Variants in GPHN observed in about 807,000 individuals in gnomAD.
The protein encoded by GPHN is gephyrin.
GPHN carries 17 observed loss-of-function variants against 95.5 expected under a neutral mutation model. The observed-to-expected ratio is 0.18, with a 90% CI of 0.12 to 0.27. The LOEUF (loss-of-function observed/expected upper bound fraction) is 0.27. Among genes scored for constraint, GPHN ranks in the 10% least tolerant of loss-of-function variants. The pLI is 1.00. For synonymous variants in GPHN, 320 were observed against 322.5 expected (o/e 0.99, Z 0.08); for missense variants, 660 against 978.1 (o/e 0.67, Z 4.34).
At chr14:67,303,621 A>G in the GPHN span, 1 of 1,565,818 alleles carries the variant, frequency 6.4e-7, no homozygotes, top group Admixed American at 1.7e-5. Flanking sequence ...TTAAATGTTC[A>G]TTATTTATGT....
At chr14:66,690,919 G>T (rs1315204947) in intron 2 of GPHN, among the ~76,000 whole-genome samples, 1 of 152,136 alleles carries the variant, frequency 6.6e-6, no homozygotes, top group Non-Finnish European at 1.5e-5. Flanking sequence ...AGTGACATTT[G>T]ACTGTAATGA....
intron 3 of GPHN, among the ~76,000 whole-genome samples, chr14:66,815,407 A>G (rs2060922028): frequency 6.6e-6 from 1 of 152,342 alleles, no homozygotes; most frequent in East Asian, 1.9e-4. Context: ...TGTTAAAGGC[A>G]GCTAGAGTGA....
chr14:66,785,068 A>G (rs2153465890), intron 3 of GPHN, among the ~76,000 whole-genome samples: 1 of 151,202 alleles, frequency 6.6e-6, no homozygotes, highest in Non-Finnish European at 1.5e-5. Flanking sequence ...ACAAATTTTA[A>G]AAAAAAAAGC....
At chr14:67,290,000 C>T in the GPHN span, among the ~76,000 whole-genome samples, 37 of 152,142 alleles carry the variant, frequency 2.4e-4, no homozygotes, top group African/African-American at 8.7e-4. Flanking sequence ...TCTCGATCTC[C>T]TGACCTCATG....
At chr14:66,962,477 C>T (rs560197031) in intron 8 of GPHN, among the ~76,000 whole-genome samples, 1 of 151,848 alleles carries the variant, frequency 6.6e-6, no homozygotes, top group African/African-American at 2.4e-5. Flanking sequence ...TTCATCAATG[C>T]ATTTTTTGAG....
intron 1 of GPHN, among the ~76,000 whole-genome samples, chr14:66,624,348 T>G (rs1312932421): frequency 6.6e-6 from 1 of 152,242 alleles, no homozygotes; most frequent in Non-Finnish European, 1.5e-5. Context: ...GTATAGGATC[T>G]GTATCTGAAT....
chr14:67,574,222 C>A, the GPHN span: 1 of 1,572,270 alleles, frequency 6.4e-7, no homozygotes. The surrounding 1 kb of genome is among the most constrained non-coding windows in gnomAD (Gnocchi z 4.2). Context: ...TGCCCCACCC[C>A]CATATCTCGC....
chr14:67,642,178 G>A, the GPHN span: 1 of 1,612,486 alleles, frequency 6.2e-7, no homozygotes, highest in Non-Finnish European at 8.5e-7. Flanking sequence ...TCCCTCATTT[G>A]CTTCCAGGCT....
the GPHN span, among the ~76,000 whole-genome samples, chr14:67,400,985 G>C: frequency 2.0e-5 from 3 of 149,536 alleles, no homozygotes; most frequent in Non-Finnish European, 4.4e-5. Context: ...GCAAGATTCT[G>C]CCTCTTAAAA....
the GPHN span, chr14:67,690,269 A>G: frequency 6.2e-7 from 1 of 1,614,134 alleles, no homozygotes; most frequent in Non-Finnish European, 8.5e-7. Flanking sequence ...TTGCTGTGAC[A>G]GTAGGCCAGG....
rs547407612 is a variant in GPHN, at chr14:66,937,669, A to G, written c.828+13377A>G. Among the ~76,000 whole-genome samples, 8 of 152,244 alleles carry G rather than the reference A, an allele frequency of 5.3e-5. No homozygotes were observed. The South Asian group carries it at 1.7e-3, about 32-fold the overall frequency. Reference sequence around the variant, plus strand: ...CTGGATTACAGGCATGAGCCACCGCACCTGGCCGCAAGATTATTAATTAAC... The same window carrying G: ...CTGGATTACAGGCATGAGCCACCGCGCCTGGCCGCAAGATTATTAATTAAC... On this transcript the variant is annotated intron_variant, in intron 8 of 22. Coordinates refer to ENST00000478722, the MANE Select transcript of GPHN (RefSeq NM_020806.5).
intron 1 of GPHN, among the ~76,000 whole-genome samples, chr14:66,544,683 AG>A (rs2059469938): frequency 6.6e-6 from 1 of 152,010 alleles, no homozygotes; most frequent in Non-Finnish European, 1.5e-5. Context: ...GAAGGTCAGC[AG>A]ATAAACAAGT....
intron 3 of GPHN, among the ~76,000 whole-genome samples, chr14:66,820,732 G>A (rs745536234): frequency 2.0e-5 from 3 of 152,112 alleles, no homozygotes; most frequent in Non-Finnish European, 4.4e-5. Flanking sequence ...AGAACTGTGT[G>A]TCTCAAAGAT....
intron 2 of GPHN, among the ~76,000 whole-genome samples, chr14:66,698,820 T>G (rs1327599419): frequency 3.3e-5 from 5 of 152,192 alleles, no homozygotes; most frequent in African/African-American, 1.2e-4. Context: ...CCTGCATGTA[T>G]ACAAAACATT....
At chr14:67,314,710 G>T in the GPHN span, among the ~76,000 whole-genome samples, 1 of 152,210 alleles carries the variant, frequency 6.6e-6, no homozygotes, top group African/African-American at 2.4e-5. Context: ...TTCCAATGAT[G>T]ACATTTCTAA....
chr14:67,439,973 G>A, the GPHN span, among the ~76,000 whole-genome samples: 1 of 152,018 alleles, frequency 6.6e-6, no homozygotes, highest in African/African-American at 2.4e-5. Context: ...TGAGTAGCTG[G>A]GACCACAGGT....
At chr14:66,712,298 T>C (rs2153422800) in intron 2 of GPHN, among the ~76,000 whole-genome samples, 1 of 152,326 alleles carries the variant, frequency 6.6e-6, no homozygotes, top group South Asian at 2.1e-4. Context: ...TGGCATGAGA[T>C]GGTATCTCCT....
At chr14:67,087,761 G>A (rs1307993454) in intron 11 of GPHN, among the ~76,000 whole-genome samples, 1 of 152,066 alleles carries the variant, frequency 6.6e-6, no homozygotes, top group Non-Finnish European at 1.5e-5. Flanking sequence ...AAAAAACACA[G>A]ACTCACTTAT....
chr14:67,622,568 C>G, the GPHN span, among the ~76,000 whole-genome samples: 2 of 152,220 alleles, frequency 1.3e-5, no homozygotes, highest in Non-Finnish European at 2.9e-5. Context: ...ATTTAGTCTT[C>G]TTTTAATGTG....
Sources: allele counts gnomAD v4.1 joint callset (sites outside exome capture counted in the v4.1 genomes callset), GRCh38; gene constraint gnomAD v4.1.1; non-coding constraint Gnocchi (gnomAD v3.1); transcripts MANE v1.5; gene names NCBI Gene and HGNC (gene_info 2026-07-23, HGNC 2026-07-21).